The following PTPN2 variants were observed in gnomAD, a reference collection of about 807,000 sequenced individuals.
The protein encoded by PTPN2 is protein tyrosine phosphatase non-receptor type 2, also known as tyrosine-protein phosphatase non-receptor type 2.
A neutral mutation model predicts 57.3 loss-of-function variants in PTPN2; 19 were observed. The ratio of observed to expected loss-of-function variants is 0.33; its 90% CI spans 0.23 to 0.49. The LOEUF (loss-of-function observed/expected upper bound fraction) is 0.49. Ranked by LOEUF, PTPN2 falls within the 20% of genes least tolerant of loss-of-function variation. The pLI is 0.99. For missense variants in PTPN2, 358 were observed against 501.1 expected (o/e 0.71, Z 2.73); for synonymous variants, 153 against 164.9 (o/e 0.93, Z 0.55).
chr18:12,838,089 C>G (rs1409728796), intron 2 of PTPN2, among the ~76,000 whole-genome samples: 1 of 151,882 alleles, frequency 6.6e-6, no homozygotes, highest in Non-Finnish European at 1.5e-5. Context: ...AAATAAAGAC[C>G]ACATATCTCC....
intron 7 of PTPN2, among the ~76,000 whole-genome samples, chr18:12,803,257 A>C (rs2041495455): frequency 6.6e-6 from 1 of 152,166 alleles, no homozygotes; most frequent in Non-Finnish European, 1.5e-5. Flanking sequence ...AGAAAGAGAA[A>C]TAAATCAAAG....
At chr18:12,824,399 T>C (rs2042374990) in intron 5 of PTPN2, among the ~76,000 whole-genome samples, 1 of 151,390 alleles carries the variant, frequency 6.6e-6, no homozygotes, top group South Asian at 2.1e-4. Context: ...TTTCAAGGGA[T>C]CCACCATAAA....
Position 12,858,669 on chromosome 18 carries a change from A to C in PTPN2, c.160+495T>G, listed in dbSNP as rs1383140644. Among the ~76,000 whole-genome samples the C allele has an allele frequency of 2.0e-5, 3 of 152,218 alleles. No homozygotes were observed. The East Asian group carries it at 5.8e-4, about 29-fold the overall frequency. On this transcript the variant is annotated intron_variant, in intron 2 of 8. Coordinates refer to ENST00000309660, the MANE Select transcript of PTPN2 (RefSeq NM_002828.4). ...ATGTTTATTTTTAAAAACTCCAAAG[A>C]ATATAAACCCAAGTTATTATTTATT...
chr18:12,868,925 G>A (rs933205988), intron 1 of PTPN2: 15 of 152,122 alleles, frequency 9.9e-5, no homozygotes, highest in African/African-American at 2.2e-4. Context: ...CCAGGCAGGC[G>A]GATCACTTGA....
rs2044049019 is a variant in PTPN2 at position 12,867,975 on chromosome 18, T to C, written c.70-8721A>G. 2.6e-5 allele frequency among the ~76,000 whole-genome samples: 4 copies of C among 152,220 alleles called. No homozygotes were observed. In the South Asian group the frequency reaches 8.3e-4, roughly 31 times the overall value. On this transcript the variant is annotated intron_variant, in intron 1 of 8. Coordinates refer to ENST00000309660, the MANE Select transcript of PTPN2 (RefSeq NM_002828.4). ...CGTTTGTCTAACAACATATGTTTGG[T>C]CATCTTTACAGAAAGTGAATACACA... is the stretch of plus-strand genomic sequence containing the variant.
intron 3 of PTPN2, among the ~76,000 whole-genome samples, chr18:12,831,827 A>T (rs1233945922): frequency 6.6e-6 from 1 of 152,244 alleles, no homozygotes; most frequent in Non-Finnish European, 1.5e-5. Flanking sequence ...ATGGGGATAA[A>T]AGCAAAATAT....
intron 1 of PTPN2, among the ~76,000 whole-genome samples, chr18:12,878,784 T>G (rs2044576605): frequency 6.6e-6 from 1 of 152,156 alleles, no homozygotes; most frequent in African/African-American, 2.4e-5. Flanking sequence ...GAGTTTAAGG[T>G]TGCAGTGAGC....
chr18:12,882,023 C>A (rs987593764), intron 1 of PTPN2, among the ~76,000 whole-genome samples: 1 of 152,188 alleles, frequency 6.6e-6, no homozygotes, highest in Admixed American at 6.5e-5. Context: ...GGGTAGGAAA[C>A]TTGCCAGGAG....
intron 2 of PTPN2, among the ~76,000 whole-genome samples, chr18:12,858,860 G>A (rs766254337): frequency 1.3e-5 from 2 of 152,066 alleles, no homozygotes; most frequent in Non-Finnish European, 2.9e-5. Context: ...AAATACATAT[G>A]GATATTATAT....
intron 7 of PTPN2, among the ~76,000 whole-genome samples, chr18:12,811,539 C>A (rs1299070458): frequency 6.6e-6 from 1 of 152,146 alleles, no homozygotes; most frequent in Non-Finnish European, 1.5e-5. Context: ...ACAAACCCAA[C>A]AATGTCATTT....
intron 1 of PTPN2, among the ~76,000 whole-genome samples, chr18:12,877,955 G>A (rs1474097481): frequency 6.6e-6 from 1 of 152,096 alleles, no homozygotes; most frequent in East Asian, 1.9e-4. Flanking sequence ...GCGTGAACCT[G>A]GGAGGCAGAG....
In PTPN2 at chr18:12,793,735, C is replaced by T. The variant is rs143366161; in HGVS notation, c.*543G>A. ...AGTAACAGATTTTTCAAATTGAGCT[C>T]TTAAAAAGTACAGTTAACTACAAAA... is the stretch of plus-strand genomic sequence containing the variant. On this transcript the variant is annotated 3_prime_UTR_variant, in exon 9 of 9. Coordinates refer to ENST00000309660, the MANE Select transcript of PTPN2 (RefSeq NM_002828.4). 3,168 of 954,394 alleles carry T rather than the reference C, an allele frequency of 3.3e-3. 10 individuals carry two copies. The highest frequency in any genetic ancestry group is 3.8e-3 in the Non-Finnish European group (3,012 of 801,494). The allele number at this position is 954,394 out of a possible 1,614,324, so 59.1% of individuals were successfully genotyped here. A position where few individuals can be genotyped will look rare whatever the true frequency, so the allele number is the denominator to read the frequency against.
At chr18:12,785,547 AAAG>A in exon 10 of PTPN2, 1 of 512,450 alleles carries the variant, frequency 2.0e-6, no homozygotes, top group South Asian at 2.5e-5. Context: ...AGTACAATAC[AAAG>A]TAATCTCCCC....
At chr18:12,881,542 C>T (rs2044667431) in intron 1 of PTPN2, among the ~76,000 whole-genome samples, 1 of 152,228 alleles carries the variant, frequency 6.6e-6, no homozygotes, top group Non-Finnish European at 1.5e-5. Context: ...CTCTGCCTTA[C>T]TCTCCAGCAT....
chr18:12,857,255 G>A (rs904146801), intron 2 of PTPN2, among the ~76,000 whole-genome samples: 6 of 152,048 alleles, frequency 3.9e-5, no homozygotes, highest in African/African-American at 1.5e-4. Context: ...CCCTGTGATG[G>A]GAATGCTCCA....
chr18:12,864,464 C>T (rs999919107), intron 1 of PTPN2, among the ~76,000 whole-genome samples: 5 of 151,732 alleles, frequency 3.3e-5, no homozygotes, highest in Non-Finnish European at 5.9e-5. Context: ...GGTGCAATCT[C>T]GGCTCACTGC....
intron 8 of PTPN2, among the ~76,000 whole-genome samples, chr18:12,795,650 T>C (rs2041150424): frequency 6.6e-6 from 1 of 152,146 alleles, no homozygotes; most frequent in Non-Finnish European, 1.5e-5. Context: ...TAGTTCTGGT[T>C]CTATATAAAT....
chr18:12,846,592 C>A (rs987081719), intron 2 of PTPN2, among the ~76,000 whole-genome samples: 3 of 152,166 alleles, frequency 2.0e-5, no homozygotes, highest in East Asian at 1.9e-4. Flanking sequence ...TCTGTCACTA[C>A]AAGACATTCC....
At chr18:12,840,618 C>A (rs964562088) in intron 2 of PTPN2, 1 of 1,357,070 alleles carries the variant, frequency 7.4e-7, no homozygotes, top group Non-Finnish European at 1.0e-6. Flanking sequence ...ATGGATCACA[C>A]CCATCGCACT....
Sources: allele counts gnomAD v4.1 joint callset (sites outside exome capture counted in the v4.1 genomes callset), GRCh38; gene constraint gnomAD v4.1.1; transcripts MANE v1.5; gene names NCBI Gene and HGNC (gene_info 2026-07-23, HGNC 2026-07-21).